CNTNAP3B: variants seen among roughly 807,000 people sequenced by gnomAD.
CNTNAP3B encodes the protein contactin-associated protein-like 3B.
In CNTNAP3B, 25 loss-of-function variants were observed where a neutral mutation model predicts 108.9. The ratio of observed to expected loss-of-function variants is 0.23; its 90% CI spans 0.17 to 0.32. The LOEUF is 0.32. CNTNAP3B is among the 10% of genes least tolerant of loss of function. The probability of loss-of-function intolerance (pLI) is 1.00; values close to 1 mark genes in which losing one functional copy is unlikely to be tolerated. For missense variants in CNTNAP3B, 252 were observed against 1,210.4 expected (o/e 0.21, Z 11.75); for synonymous variants, 103 against 473.4 (o/e 0.22, Z 10.16).
At chr9:41,969,567 T>C (rs1449852995) in intron 10 of CNTNAP3B, among the ~76,000 whole-genome samples, 2 of 151,732 alleles carry the variant, frequency 1.3e-5, no homozygotes, top group African/African-American at 2.4e-5. Flanking sequence ...GTGTATATCT[T>C]CTAATAAAAT....
chr9:41,930,434 ATGGGAGGCTGAGG>A (rs1413182437), intron 14 of CNTNAP3B, among the ~76,000 whole-genome samples: 237 of 152,260 alleles, frequency 1.6e-3, no homozygotes, highest in African/African-American at 5.4e-3. Flanking sequence ...TCCCAGCTAC[ATGGGAGGCTGAGG>A]TGGGAGGATC....
At chr9:42,036,130 TC>T (rs1415393513) in intron 3 of CNTNAP3B, among the ~76,000 whole-genome samples, 1 of 149,814 alleles carries the variant, frequency 6.7e-6, no homozygotes, top group African/African-American at 2.5e-5. Context: ...AAATGAAAAC[TC>T]CTGACCTCAA....
intron 7 of CNTNAP3B, among the ~76,000 whole-genome samples, chr9:41,995,856 C>T (rs1450196832): frequency 6.5e-5 from 9 of 138,228 alleles, no homozygotes; most frequent in South Asian, 2.3e-4. Context: ...GCCAACATGG[C>T]GAAACCCCGT....
chr9:42,044,558 G>C (rs1465398846), intron 3 of CNTNAP3B, among the ~76,000 whole-genome samples: 1 of 104,506 alleles, frequency 9.6e-6, no homozygotes, highest in African/African-American at 3.6e-5. Context: ...GCACTCCCTG[G>C]GCTAGGAAAC....
At chr9:42,063,011 AAT>A (rs1398333288) in intron 3 of CNTNAP3B, among the ~76,000 whole-genome samples, 1 of 99,932 alleles carries the variant, frequency 1.0e-5, no homozygotes. Flanking sequence ...AACTATTTTT[AAT>A]AGTTTGTTTT....
chr9:42,123,746 TAAGG>T (rs1828510856), intron 1 of CNTNAP3B, among the ~76,000 whole-genome samples: 2 of 138,264 alleles, frequency 1.4e-5, no homozygotes, highest in African/African-American at 5.7e-5. Context: ...CAAAATAAGT[TAAGG>T]AACTACAAGT....
rs1256745809 is a variant in CNTNAP3B, at chr9:42,003,408, A to C, written c.539-4804T>G. Among the ~76,000 whole-genome samples the C allele has an allele frequency of 6.8e-5, 6 of 88,508 alleles. 2 individuals are homozygous for C. The highest frequency in any genetic ancestry group is 1.6e-4 in the Non-Finnish European group (6 of 38,700). 58.1% of individuals were successfully genotyped at this position (88,508 alleles called of 152,430 possible). A position where few individuals can be genotyped will look rare whatever the true frequency, so the allele number is the denominator to read the frequency against. On this transcript the variant is annotated intron_variant, in intron 4 of 23. Transcript: ENST00000377561. Reference sequence around the variant, plus strand: ...CTGATGTCTTACAAAAGAAAAAAAAAAAAACACGATTCCACAGAAATTTTC... The same window carrying C: ...CTGATGTCTTACAAAAGAAAAAAAACAAAACACGATTCCACAGAAATTTTC...
chr9:42,078,898 A>G (rs1403849158), intron 2 of CNTNAP3B, among the ~76,000 whole-genome samples: 1 of 151,642 alleles, frequency 6.6e-6, no homozygotes, highest in East Asian at 1.9e-4. Flanking sequence ...AATTCCACGT[A>G]CCCACTTCCA....
At chr9:42,084,271 GC>G (rs1396377412) in intron 2 of CNTNAP3B, among the ~76,000 whole-genome samples, 1 of 122,094 alleles carries the variant, frequency 8.2e-6, no homozygotes. Flanking sequence ...AGGCAAAGAA[GC>G]CATTATCTTC....
At chr9:42,059,961 A>G (rs1827143340) in intron 3 of CNTNAP3B, among the ~76,000 whole-genome samples, 1 of 150,292 alleles carries the variant, frequency 6.7e-6, no homozygotes, top group Admixed American at 6.6e-5. Context: ...AGATCATGTC[A>G]TCTGCAAAGA....
At chr9:41,967,168 T>G (rs184227097) in intron 10 of CNTNAP3B, among the ~76,000 whole-genome samples, 5 of 151,472 alleles carry the variant, frequency 3.3e-5, no homozygotes, top group African/African-American at 7.3e-5. Flanking sequence ...GAGTTAGTGA[T>G]ATGGTTTGGC....
intron 14 of CNTNAP3B, among the ~76,000 whole-genome samples, chr9:41,935,903 G>A (rs1353290944): frequency 1.3e-5 from 2 of 152,286 alleles, no homozygotes; most frequent in Admixed American, 6.5e-5. Context: ...GGGTATCAGA[G>A]GACCTGCACC....
chr9:41,967,377 T>TATAAGA (rs1825312528), intron 10 of CNTNAP3B, among the ~76,000 whole-genome samples: 1 of 151,844 alleles, frequency 6.6e-6, no homozygotes, highest in Non-Finnish European at 1.5e-5. Flanking sequence ...CGTGCTGCCA[T>TATAAGA]ATAAGACGTG....
intron 13 of CNTNAP3B, among the ~76,000 whole-genome samples, chr9:41,939,032 C>T (rs543584920): frequency 2.4e-4 from 36 of 151,984 alleles, no homozygotes; most frequent in East Asian, 2.1e-3. Flanking sequence ...ACAGCTCTGA[C>T]GAGTGCGCCT....
At position 42,117,156 on chromosome 9, in the gene CNTNAP3B, A is replaced by G. The variant is rs1255074988; in HGVS notation, c.85+11854T>C. ...AAAAGGATATCCAGGAATTGAACTC[A>G]GCTCTGCACCAAGCAGACCTAATAG... On this transcript the variant is annotated intron_variant, in intron 1 of 23. Transcript: ENST00000377561. Among the ~76,000 whole-genome samples, 3 of 136,810 alleles carry G rather than the reference A, an allele frequency of 2.2e-5. 1 individual carries two copies. Among genetic ancestry groups the G allele is most frequent in the African/African-American group, 8.8e-5 (3 of 33,910 alleles). The allele number at this position is 136,810 out of a possible 152,430, so 89.8% of individuals were successfully genotyped here.
rs1387186888 is a variant in CNTNAP3B, at chr9:42,063,452, C to T, written c.390+13417G>A. Among the ~76,000 whole-genome samples, 6 of 134,004 alleles carry T rather than the reference C, an allele frequency of 4.5e-5. 2 individuals are homozygous for T. The highest frequency in any genetic ancestry group is 7.9e-5 in the Non-Finnish European group (5 of 63,586). The allele number at this position is 134,004 out of a possible 152,430, so 87.9% of individuals were successfully genotyped here. The stretch of plus-strand genomic sequence containing the variant: ...ATGGAATTCCCTTATATGTGACATG[C>T]TTCTTTTGTCTTGATGCTCTTTTGC... On this transcript the variant is annotated intron_variant, in intron 3 of 23. Coordinates refer to ENST00000377561, the MANE Select transcript of CNTNAP3B (RefSeq NM_001201380.3).
Position 42,098,993 on chromosome 9 carries a change from G to A in CNTNAP3B, c.196+5636C>T, listed in dbSNP as rs1827969655. On this transcript the variant is annotated intron_variant, in intron 2 of 23. Coordinates refer to ENST00000377561, the MANE Select transcript of CNTNAP3B (RefSeq NM_001201380.3). ...GTGCACCCAGAGTCGTGGCTAGGTT[G>A]TGTGCAGCACAAATTCCCACCTCTA... Among the ~76,000 whole-genome samples the A allele has an allele frequency of 1.5e-5, 2 of 137,276 alleles. 1 individual carries two copies. Among genetic ancestry groups the A allele is most frequent in the African/African-American group, 5.8e-5 (2 of 34,394 alleles). The allele number at this position is 137,276 out of a possible 152,430, so 90.1% of individuals were successfully genotyped here.
At chr9:41,943,345 A>ATTTTT (rs1165684239) in intron 13 of CNTNAP3B, among the ~76,000 whole-genome samples, 29 of 132,560 alleles carry the variant, frequency 2.2e-4, no homozygotes, top group African/African-American at 2.6e-4. Context: ...TTGGACAATA[A>ATTTTT]TTTTTTTTTT....
intron 13 of CNTNAP3B, among the ~76,000 whole-genome samples, chr9:41,951,669 C>A (rs879572402): frequency 0.012 from 1,793 of 151,126 alleles, no homozygotes; most frequent in African/African-American, 0.03. Context: ...TGCAACCAGA[C>A]CTTTGCTCTT....
Sources: allele counts gnomAD v4.1 joint callset (sites outside exome capture counted in the v4.1 genomes callset), GRCh38; gene constraint gnomAD v4.1.1; transcripts MANE v1.5; gene names NCBI Gene and HGNC (gene_info 2026-07-23, HGNC 2026-07-21).